Variants in PDE4B observed in about 807,000 individuals in gnomAD.
PDE4B encodes the protein 3',5'-cyclic-AMP phosphodiesterase 4B.
PDE4B carries 20 observed loss-of-function variants against 82.2 expected under a neutral mutation model. The ratio of observed to expected loss-of-function variants is 0.24; its 90% CI spans 0.17 to 0.35. The LOEUF (loss-of-function observed/expected upper bound fraction) is 0.35, where lower values mean the gene tolerates loss of function less well. Among genes scored for constraint, PDE4B ranks in the 10% least tolerant of loss-of-function variants. The pLI is 1.00. For missense variants in PDE4B, 655 were observed against 907.2 expected (o/e 0.72, Z 3.57); for synonymous variants, 320 against 318.9 (o/e 1.00, Z -0.04).
At chr1:66,269,656 T>C (rs566731834) in intron 7 of PDE4B, among the ~76,000 whole-genome samples, 7 of 152,382 alleles carry the variant, frequency 4.6e-5, no homozygotes, top group African/African-American at 1.7e-4. Flanking sequence ...GGTGCATGCA[T>C]ACACATGTGT....
At chr1:65,804,498 A>C (rs1379771691) in intron 1 of PDE4B, among the ~76,000 whole-genome samples, 2 of 152,096 alleles carry the variant, frequency 1.3e-5, no homozygotes. Flanking sequence ...ATTAAGAGGG[A>C]GGTTAAATTC....
chr1:65,955,917 C>T (rs1649235226), intron 3 of PDE4B, among the ~76,000 whole-genome samples: 1 of 152,176 alleles, frequency 6.6e-6, no homozygotes, highest in East Asian at 1.9e-4. Flanking sequence ...AATAAGAAAG[C>T]TCTTAATTTT....
chr1:65,961,016 G>A (rs1649516837), intron 3 of PDE4B, among the ~76,000 whole-genome samples: 1 of 152,098 alleles, frequency 6.6e-6, no homozygotes, highest in Non-Finnish European at 1.5e-5. Flanking sequence ...GGACCTAAAT[G>A]TACACTGTTT....
At chr1:66,250,739 G>T (rs1431012967) in intron 4 of PDE4B, among the ~76,000 whole-genome samples, 1 of 152,184 alleles carries the variant, frequency 6.6e-6, no homozygotes, top group African/African-American at 2.4e-5. Context: ...ATAAAGTACT[G>T]GAAACTAGTA....
chr1:66,132,222 A>G (rs1296765409), intron 3 of PDE4B, among the ~76,000 whole-genome samples: 4 of 152,212 alleles, frequency 2.6e-5, no homozygotes, highest in Non-Finnish European at 5.9e-5. Flanking sequence ...ACATTCAGGC[A>G]TTACTTATTG....
At chr1:66,203,268 G>A in intron 3 of PDE4B, among the ~76,000 whole-genome samples, 1 of 152,010 alleles carries the variant, frequency 6.6e-6, no homozygotes, top group Non-Finnish European at 1.5e-5. Flanking sequence ...TTTCTCTCTG[G>A]CTGCCCTTAA....
intron 7 of PDE4B, among the ~76,000 whole-genome samples, chr1:66,294,519 A>T (rs1657358404): frequency 6.6e-6 from 1 of 152,200 alleles, no homozygotes; most frequent in Non-Finnish European, 1.5e-5. Context: ...CAAATTAGCC[A>T]AATAATTTAG....
At chr1:66,144,135 A>G (rs924086960) in intron 3 of PDE4B, among the ~76,000 whole-genome samples, 1 of 152,258 alleles carries the variant, frequency 6.6e-6, no homozygotes, top group African/African-American at 2.4e-5. Flanking sequence ...TAAGAATTGC[A>G]AGGAGGGAGA....
chr1:66,246,389 A>G (rs1010523608), intron 3 of PDE4B, among the ~76,000 whole-genome samples: 3 of 152,254 alleles, frequency 2.0e-5, no homozygotes, highest in East Asian at 1.9e-4. Flanking sequence ...CTGAATTGGT[A>G]TACAGGAAAT....
intron 3 of PDE4B, among the ~76,000 whole-genome samples, chr1:66,025,945 T>C (rs967902510): frequency 6.6e-6 from 1 of 152,226 alleles, no homozygotes; most frequent in Non-Finnish European, 1.5e-5. Context: ...AGTTTCAATT[T>C]TGAAGAATCT....
At chr1:66,116,951 C>A (rs555014647) in intron 3 of PDE4B, among the ~76,000 whole-genome samples, 1 of 152,254 alleles carries the variant, frequency 6.6e-6, no homozygotes, top group Admixed American at 6.5e-5. Context: ...CCATCTCTGC[C>A]CGCCCTCATT....
At chr1:66,164,755 C>CTTTT (rs145224852) in intron 3 of PDE4B, among the ~76,000 whole-genome samples, 50 of 87,828 alleles carry the variant, frequency 5.7e-4, no homozygotes, top group Non-Finnish European at 8.2e-4. Context: ...CTTTTCTTTT[C>CTTTT]TTTTTTTTTT....
intron 3 of PDE4B, among the ~76,000 whole-genome samples, chr1:65,919,924 A>G (rs1040701305): frequency 2.0e-5 from 3 of 152,210 alleles, no homozygotes; most frequent in Non-Finnish European, 2.9e-5. Context: ...TAATCAGACA[A>G]TCTGTGTGAT....
intron 3 of PDE4B, among the ~76,000 whole-genome samples, chr1:66,178,145 G>GT (rs909744679): frequency 6.6e-6 from 1 of 151,700 alleles, no homozygotes; most frequent in Non-Finnish European, 1.5e-5. Context: ...ACCAAGTAAT[G>GT]TTTTTTTCTC....
chr1:65,917,964 G>C (rs1354969950), intron 2 of PDE4B, among the ~76,000 whole-genome samples: 1 of 152,208 alleles, frequency 6.6e-6, no homozygotes, highest in East Asian at 1.9e-4. Context: ...AGGAGTTTGA[G>C]ACCAGCCTGG....
At chr1:66,104,049 T>C (rs1570242218) in intron 3 of PDE4B, among the ~76,000 whole-genome samples, 1 of 151,024 alleles carries the variant, frequency 6.6e-6, no homozygotes, top group Non-Finnish European at 1.5e-5. Flanking sequence ...TAACTCGTCA[T>C]TTAGCATTAG....
intron 1 of PDE4B, among the ~76,000 whole-genome samples, chr1:65,877,123 G>A (rs1457001391): frequency 1.3e-5 from 2 of 152,068 alleles, no homozygotes; most frequent in Non-Finnish European, 2.9e-5. Flanking sequence ...AGAACAGCTG[G>A]AGGCATCATG....
rs532285051 is a variant in PDE4B, at chr1:66,003,148, G to A, written c.281+84313G>A. Among the ~76,000 whole-genome samples the A allele has an allele frequency of 9.2e-5, 14 of 152,134 alleles. No homozygotes were observed. In the East Asian group the frequency reaches 2.3e-3, roughly 25 times the overall value. ...AAAGTGCATGTGGGTTAGTAAAGAA[G>A]TACATTTATAATATCCACAGTGTGA... On this transcript the variant is annotated intron_variant, in intron 3 of 16. Coordinates refer to ENST00000341517, the MANE Select transcript of PDE4B (RefSeq NM_002600.4).
chr1:65,875,727 C>T (rs1167708019), intron 1 of PDE4B, among the ~76,000 whole-genome samples: 4 of 145,770 alleles, frequency 2.7e-5, no homozygotes, highest in African/African-American at 1.0e-4. Context: ...CGCATATTCT[C>T]ACTCATAGGT....
Sources: gnomAD v4.1 joint callset for allele counts (sites outside exome capture counted in the v4.1 genomes callset) on GRCh38, gnomAD v4.1.1 for gene constraint, MANE v1.5 for transcripts, NCBI Gene and HGNC (gene_info 2026-07-23, HGNC 2026-07-21) for gene names.